The following PCSK6 variants were observed in gnomAD, a reference collection of about 807,000 sequenced individuals.
The protein encoded by PCSK6 is paired basic amino acid cleaving enzyme 4.
Under a neutral mutation model 123.3 loss-of-function variants are expected in PCSK6, and 85 were observed. The ratio of observed to expected loss-of-function variants is 0.69; its 90% confidence interval spans 0.58 to 0.83. The LOEUF (loss-of-function observed/expected upper bound fraction) is 0.83, where lower values mean the gene tolerates loss of function less well. Ranked by LOEUF, PCSK6 falls within the 40% of genes least tolerant of loss-of-function variation. The probability of loss-of-function intolerance (pLI) is 0.00; values close to 1 mark genes in which losing one functional copy is unlikely to be tolerated. For missense variants in PCSK6, 1,191 were observed against 1,282.3 expected, an observed-to-expected ratio of 0.93 and a Z score of 1.09; for synonymous variants, 508 against 516.0, an observed-to-expected ratio of 0.98 and a Z score of 0.21.
At chr15:101,326,350 G>A in intron 16 of PCSK6, 27 bp downstream of exon 16, 1 of 1,536,056 alleles carries the variant, frequency 6.5e-7, no homozygotes, top group Non-Finnish European at 8.8e-7. Context: ...TGAGTGGTGA[G>A]CCACAGGGCT....
intron 12 of PCSK6, among the ~76,000 whole-genome samples, chr15:101,369,199 G>A (rs1302899576): frequency 6.6e-6 from 1 of 152,206 alleles, no homozygotes; most frequent in Non-Finnish European, 1.5e-5. Context: ...GTGCTGTGGG[G>A]GGCACAGCAC....
chr15:101,389,446 A>T lies in PCSK6; in HGVS notation c.1310+18T>A. ...CTAAACATTTTTTTTTTTTAGAAAA[A>T]GGTAAGTGGGAACTTACTTTGCTTC... On this transcript the variant is annotated intron_variant, in intron 9 of 21. Coordinates refer to ENST00000611716, the MANE Select transcript of PCSK6 (RefSeq NM_002570.5). 4 of 1,568,444 alleles carry T rather than the reference A, an allele frequency of 2.6e-6. No homozygotes were observed. The highest frequency in any genetic ancestry group is 3.5e-6 in the Non-Finnish European group (4 of 1,139,132).
Position 101,305,253 on chromosome 15 carries a change from C to T in PCSK6, c.*5G>A. 1 of 1,607,766 alleles carries T rather than the reference C, an allele frequency of 6.2e-7. No individual in the cohort carries two copies. Among genetic ancestry groups the T allele is most frequent in the Non-Finnish European group, 8.5e-7 (1 of 1,177,940 alleles). On this transcript the variant is annotated 3_prime_UTR_variant, in exon 22 of 22. Coordinates refer to ENST00000611716, the MANE Select transcript of PCSK6 (RefSeq NM_002570.5). The surrounding 1 kb of genome is among the most constrained non-coding windows in gnomAD (Gnocchi z 4.8). ...TGCCTGCCCTCTGTGGGCAGCTAGG[C>T]ACCCTTACCCGGCCAGGAGGCACGT...
chr15:101,461,437 G>GTATA (rs1435544214), intron 1 of PCSK6, among the ~76,000 whole-genome samples: 5 of 152,154 alleles, frequency 3.3e-5, no homozygotes, highest in African/African-American at 9.7e-5. Context: ...AAATTTCAAG[G>GTATA]TATAGATCAT....
At chr15:101,457,239 G>A (rs1461192700) in intron 1 of PCSK6, among the ~76,000 whole-genome samples, 1 of 152,134 alleles carries the variant, frequency 6.6e-6, no homozygotes, top group Non-Finnish European at 1.5e-5. Flanking sequence ...GAGGTCTTGG[G>A]CCTTGGAGCC....
intron 6 of PCSK6, among the ~76,000 whole-genome samples, chr15:101,424,128 G>T (rs4965861): frequency 0.17 from 26,120 of 151,808 alleles, 2,648 homozygotes; most frequent in East Asian, 0.43. Context: ...CCAGATACTT[G>T]GGAGGCTCGG....
chr15:101,423,704 T>A (rs2056159158), intron 6 of PCSK6, among the ~76,000 whole-genome samples: 1 of 152,142 alleles, frequency 6.6e-6, no homozygotes, highest in Non-Finnish European at 1.5e-5. Context: ...TGAGGCGTAT[T>A]AAGCAATCTA....
At chr15:101,454,492 G>A (rs1265307363) in intron 1 of PCSK6, among the ~76,000 whole-genome samples, 1 of 152,190 alleles carries the variant, frequency 6.6e-6, no homozygotes, top group Non-Finnish European at 1.5e-5. Flanking sequence ...TGAGCCTGGA[G>A]GACGCTGTGC....
At chr15:101,432,362 C>A (rs559122156) in intron 2 of PCSK6, among the ~76,000 whole-genome samples, 2 of 151,376 alleles carry the variant, frequency 1.3e-5, no homozygotes, top group Non-Finnish European at 2.9e-5. Flanking sequence ...AGTGCTCACG[C>A]CTGTCATCCC....
At chr15:101,457,876 T>G (rs1417765803) in intron 1 of PCSK6, among the ~76,000 whole-genome samples, 1 of 152,244 alleles carries the variant, frequency 6.6e-6, no homozygotes, top group Non-Finnish European at 1.5e-5. Context: ...GACTGAAACA[T>G]TTTTTAAGTC....
chr15:101,446,207 C>A (rs1337902647), intron 1 of PCSK6, among the ~76,000 whole-genome samples: 1 of 152,244 alleles, frequency 6.6e-6, no homozygotes, highest in Non-Finnish European at 1.5e-5. Flanking sequence ...CCAGCCAAGG[C>A]TGCCCTTGCA....
At chr15:101,310,698 G>T (rs1433148041) in intron 20 of PCSK6, among the ~76,000 whole-genome samples, 4 of 152,206 alleles carry the variant, frequency 2.6e-5, no homozygotes, top group African/African-American at 9.7e-5. Context: ...CTGTGGGTCA[G>T]ACAAGTGCAA....
At chr15:101,314,303 G>A (rs1164031038) in intron 19 of PCSK6, among the ~76,000 whole-genome samples, 2 of 152,216 alleles carry the variant, frequency 1.3e-5, no homozygotes, top group African/African-American at 4.8e-5. Context: ...TGGACTAGTT[G>A]ACTAGATAGC....
chr15:101,373,208 T>G (rs1167550306), intron 11 of PCSK6, among the ~76,000 whole-genome samples: 2 of 152,214 alleles, frequency 1.3e-5, no homozygotes, highest in African/African-American at 4.8e-5. Flanking sequence ...CCGCTGCTGC[T>G]GCCTGCAGGG....
intron 1 of PCSK6, among the ~76,000 whole-genome samples, chr15:101,470,375 T>A (rs1049335498): frequency 2.0e-5 from 3 of 152,220 alleles, no homozygotes; most frequent in Middle Eastern, 3.2e-3. Context: ...ATGAAATATT[T>A]TGTTTCCTTC....
chr15:101,464,126 G>C (rs565405718), intron 1 of PCSK6, among the ~76,000 whole-genome samples: 3,699 of 152,152 alleles, frequency 0.024, 167 homozygotes, highest in African/African-American at 0.083. Context: ...GAGGAAACAG[G>C]CCTCCTCTGC....
At chr15:101,411,646 T>C (rs959932182) in intron 6 of PCSK6, among the ~76,000 whole-genome samples, 4 of 151,752 alleles carry the variant, frequency 2.6e-5, no homozygotes, top group Non-Finnish European at 4.4e-5. Context: ...ACAGGGCCAA[T>C]AGAACAAATG....
At chr15:101,310,531 C>T (rs28399285) in intron 20 of PCSK6, among the ~76,000 whole-genome samples, 13,546 of 152,304 alleles carry the variant, frequency 0.089, 681 homozygotes, top group South Asian at 0.18. Context: ...GACTGGTTAC[C>T]ATGAAGGGTT....
chr15:101,482,863 C>T (rs1287844327), intron 1 of PCSK6, among the ~76,000 whole-genome samples: 1 of 152,232 alleles, frequency 6.6e-6, no homozygotes, highest in Non-Finnish European at 1.5e-5. Flanking sequence ...ATGCTGCCTT[C>T]TGGAGCTTTT....
Sources: allele counts gnomAD v4.1 joint callset (sites outside exome capture counted in the v4.1 genomes callset), GRCh38; gene constraint gnomAD v4.1.1; non-coding constraint Gnocchi (gnomAD v3.1); transcripts MANE v1.5; gene names NCBI Gene and HGNC (gene_info 2026-07-23, HGNC 2026-07-21).